The following TOM1 variants were observed in gnomAD, a reference collection of about 807,000 sequenced individuals.
TOM1 encodes the protein target of Myb protein 1.
In TOM1, 38 loss-of-function variants were observed where a neutral mutation model predicts 61.3. That is an observed-to-expected ratio of 0.62 (90% CI 0.48 to 0.81). The LOEUF (loss-of-function observed/expected upper bound fraction) is 0.81, where lower values mean the gene tolerates loss of function less well. Ranked by LOEUF, TOM1 falls within the 40% of genes least tolerant of loss-of-function variation. The pLI is 0.00. For missense variants in TOM1, 591 were observed against 659.6 expected (o/e 0.90, Z 1.14); for synonymous variants, 270 against 268.8 (o/e 1.00, Z -0.04).
At chr22:35,326,787 G>C (rs539553800) in intron 6 of TOM1, among the ~76,000 whole-genome samples, 24 of 151,896 alleles carry the variant, frequency 1.6e-4, no homozygotes, top group Middle Eastern at 3.4e-3. Context: ...AGGAGAGAGG[G>C]TGGGATCCCA....
intron 12 of TOM1, among the ~76,000 whole-genome samples, chr22:35,343,736 C>CGCACCTACACACACACCACATGCATCT (rs1930220829): frequency 1.4e-5 from 2 of 138,582 alleles, no homozygotes; most frequent in East Asian, 4.8e-4. Context: ...CTACACCCAC[C>CGCACCTACACACACACCACATGCATCT]ACACCTACAC....
chr22:35,311,707 C>T (rs1005283850), intron 1 of TOM1, among the ~76,000 whole-genome samples: 6 of 152,220 alleles, frequency 3.9e-5, no homozygotes, highest in African/African-American at 9.7e-5. Flanking sequence ...GTTTGGAGCA[C>T]GCAGGCCTGG....
chr22:35,338,884 C>T (rs2145711346), intron 12 of TOM1, 96 bp downstream of exon 12: 2 of 1,168,088 alleles, frequency 1.7e-6, no homozygotes, highest in Non-Finnish European at 2.3e-6. Flanking sequence ...AGCACTGGCC[C>T]AGCACGTCCA....
At chr22:35,304,798 CAG>C (rs1926174714) in intron 1 of TOM1, among the ~76,000 whole-genome samples, 1 of 152,230 alleles carries the variant, frequency 6.6e-6, no homozygotes, top group African/African-American at 2.4e-5. Context: ...GTTTTATAGA[CAG>C]ATATCAAGAA....
Position 35,334,320 on chromosome 22 carries a change from C to T in TOM1, c.1028-8C>T. ...TGGGTCTTTCACGTGGCCTTTCTGT[C>T]CCTGCAGACCTGGGCTCCAGCAGTG... On this transcript the variant is annotated splice_polypyrimidine_tract_variant and splice_region_variant and intron_variant, in intron 10 of 14. Transcript: ENST00000449058. The T allele has an allele frequency of 6.2e-7, 1 of 1,607,410 alleles. No individual in the cohort carries two copies. Among genetic ancestry groups the T allele is most frequent in the Non-Finnish European group, 8.5e-7 (1 of 1,176,490 alleles).
At chr22:35,339,768 G>A (rs1929714479) in intron 12 of TOM1, among the ~76,000 whole-genome samples, 2 of 151,854 alleles carry the variant, frequency 1.3e-5, no homozygotes, top group East Asian at 3.9e-4. Flanking sequence ...GCCGGGCGTG[G>A]TGGCGGGCGC....
At chr22:35,331,283 TTTC>T (rs1377899449) in intron 8 of TOM1, 2 of 449,070 alleles carry the variant, frequency 4.5e-6, no homozygotes, top group Non-Finnish European at 4.4e-6. Context: ...TTTTTTTTTT[TTTC>T]TTTTTGCAGA....
intron 1 of TOM1, among the ~76,000 whole-genome samples, chr22:35,307,234 T>G (rs1260806777): frequency 6.6e-6 from 1 of 152,174 alleles, no homozygotes; most frequent in Non-Finnish European, 1.5e-5. Flanking sequence ...CATTATTATT[T>G]TCGTAGGGTT....
Position 35,323,532 on chromosome 22 carries a change from A to G in TOM1, c.403A>G (p.Thr135Ala), listed in dbSNP as rs772938813. The G allele has an allele frequency of 6.2e-7, 1 of 1,613,946 alleles. No individual in the cohort carries two copies. The highest frequency in any genetic ancestry group is 1.3e-5 in the African/African-American group (1 of 74,870). The change falls in exon 5 of 15, where the codon ACA becomes GCA. Residue 135 changes from threonine (T) to alanine (A), a missense_variant. By Grantham distance (58) the Thr-to-Ala change is moderately conservative. Coordinates refer to ENST00000449058, the MANE Select transcript of TOM1 (RefSeq NM_005488.3). This position sits in a 1 kb window ranked among gnomAD's most constrained non-coding sequence, Gnocchi z 4.2. ...CGCGTTCCGCAGCTCGCCCGATCTG[A>G]CAGGTGTGGTCACCATCTATGAGGA... is the stretch of plus-strand genomic sequence containing the variant. ...ADAFRSSPDLTGVVTIYEDLR... is the reference protein window; with the variant it reads ...ADAFRSSPDLAGVVTIYEDLR...
Position 35,347,524 on chromosome 22 carries a change from G to A in TOM1, c.*315G>A, listed in dbSNP as rs1930615451. On this transcript the variant is annotated 3_prime_UTR_variant, in exon 15 of 15. Transcript: ENST00000449058. Reference sequence around the variant, plus strand: ...GCTGGCTGGCTGCTTGACCCAGTGTGACTCTCCTTCACTGAGTGATACCCT... The same window carrying A: ...GCTGGCTGGCTGCTTGACCCAGTGTAACTCTCCTTCACTGAGTGATACCCT... 3.7e-6 allele frequency: 1 copy of A among 271,700 alleles called. No homozygotes were observed. The highest frequency in any genetic ancestry group is 6.9e-6 in the Non-Finnish European group (1 of 144,090). 16.8% of individuals were successfully genotyped at this position (271,700 alleles called of 1,614,324 possible). A position where few individuals can be genotyped will look rare whatever the true frequency, so the allele number is the denominator to read the frequency against.
chr22:35,326,824 G>A (rs1298014312), intron 6 of TOM1, among the ~76,000 whole-genome samples: 1 of 151,080 alleles, frequency 6.6e-6, no homozygotes, highest in Non-Finnish European at 1.5e-5. Flanking sequence ...GAGAGGGGGG[G>A]ATCCCAGTCT....
chr22:35,309,552 G>A (rs1926634606), intron 1 of TOM1, among the ~76,000 whole-genome samples: 1 of 151,198 alleles, frequency 6.6e-6, no homozygotes, highest in Non-Finnish European at 1.5e-5. Flanking sequence ...GCTGAGACAG[G>A]AGAATCGCTT....
At chr22:35,305,614 C>T (rs1926259215) in intron 1 of TOM1, among the ~76,000 whole-genome samples, 1 of 150,758 alleles carries the variant, frequency 6.6e-6, no homozygotes, top group Admixed American at 6.6e-5. Flanking sequence ...GAGCCAAGAT[C>T]ACGCCGCTGC....
chr22:35,299,821 C>A, upstream of TOM1: 1 of 1,330,182 alleles, frequency 7.5e-7, no homozygotes, highest in Non-Finnish European at 1.0e-6. Context: ...TGCCACCGCC[C>A]CGCCCACGCC....
chr22:35,345,666 T>C (rs1930440329), intron 12 of TOM1, 59 bp from the exon 13 acceptor site: 2 of 1,572,924 alleles, frequency 1.3e-6, no homozygotes, highest in Admixed American at 3.3e-5. Context: ...GGTGCTGAGC[T>C]GGCACGTCTT....
At chr22:35,318,236 T>A in intron 2 of TOM1, 1 of 539,850 alleles carries the variant, frequency 1.9e-6, no homozygotes, top group South Asian at 2.4e-5. Flanking sequence ...CCCAGCCTTG[T>A]GTGCAGCATC....
rs910378615 is a variant in TOM1 at position 35,333,433 on chromosome 22, C to T, written c.963C>T (p.Asp321=). Residue 321 remains aspartate (D), a synonymous_variant, in exon 10 of 15, where the codon GAC becomes GAT. Coordinates refer to ENST00000449058, the MANE Select transcript of TOM1 (RefSeq NM_005488.3). ...CAAGTGAGGCCGAGCCGGCAGCTGA[C>T]CTGATCGACATGGGCCCTGACCCAG... ...KAPSEAEPAA[D]LIDMGPDPAA... 3.1e-6 allele frequency: 5 copies of T among 1,614,006 alleles called. No individual in the cohort carries two copies. The highest frequency in any genetic ancestry group is 4.2e-6 in the Non-Finnish European group (5 of 1,180,018).
At chr22:35,314,356 T>C (rs1208658408) in intron 1 of TOM1, among the ~76,000 whole-genome samples, 2 of 152,056 alleles carry the variant, frequency 1.3e-5, no homozygotes, top group African/African-American at 4.8e-5. Context: ...AAAACCTCCG[T>C]CTTCTGATTG....
At chr22:35,334,719 A>G (rs1200293065) in intron 11 of TOM1, among the ~76,000 whole-genome samples, 1 of 152,132 alleles carries the variant, frequency 6.6e-6, no homozygotes. Flanking sequence ...CAGAGGGGGA[A>G]ACTGAGGCAC....
Sources: allele counts gnomAD v4.1 joint callset (sites outside exome capture counted in the v4.1 genomes callset), GRCh38; gene constraint gnomAD v4.1.1; non-coding constraint Gnocchi (gnomAD v3.1); transcripts MANE v1.5; gene names NCBI Gene and HGNC (gene_info 2026-07-23, HGNC 2026-07-21).